Variants in R3HDM1 observed in about 807,000 individuals in gnomAD.
R3HDM1 encodes the protein R3H domain containing 1.
In R3HDM1, 46 loss-of-function variants were observed where a neutral mutation model predicts 141.1. The ratio of observed to expected loss-of-function variants is 0.33; its 90% CI spans 0.26 to 0.42. The LOEUF (loss-of-function observed/expected upper bound fraction) is 0.42, where lower values mean the gene tolerates loss of function less well. R3HDM1 is among the 10% of genes least tolerant of loss of function. The pLI, the probability that R3HDM1 is intolerant of heterozygous loss-of-function variation, is 1.00. For synonymous variants in R3HDM1, 435 were observed against 472.9 expected, an observed-to-expected ratio of 0.92 and a Z score of 1.04; for missense variants, 1,184 against 1,368.3, an observed-to-expected ratio of 0.87 and a Z score of 2.12.
chr2:135,711,287 C>G (rs1429301028), intron 23 of R3HDM1, among the ~76,000 whole-genome samples: 1 of 152,138 alleles, frequency 6.6e-6, no homozygotes, highest in African/African-American at 2.4e-5. Flanking sequence ...GAAATAGGAG[C>G]TTGGTCTGTT....
chr2:135,609,437 G>C (rs1280327253), intron 3 of R3HDM1, among the ~76,000 whole-genome samples: 1 of 152,160 alleles, frequency 6.6e-6, no homozygotes, highest in East Asian at 1.9e-4. Context: ...CTGAATTGTT[G>C]ATTATGGTCT....
intron 24 of R3HDM1, among the ~76,000 whole-genome samples, chr2:135,720,904 A>G (rs2076637797): frequency 6.6e-6 from 1 of 152,190 alleles, no homozygotes; most frequent in Non-Finnish European, 1.5e-5. Context: ...TAAGATTTTA[A>G]TCATAATAGA....
chr2:135,648,262 T>G (rs1479032455), intron 16 of R3HDM1, among the ~76,000 whole-genome samples: 2 of 152,196 alleles, frequency 1.3e-5, no homozygotes, highest in Admixed American at 1.3e-4. Flanking sequence ...TTATAGATTT[T>G]TTTGCTTTCT....
intron 21 of R3HDM1, among the ~76,000 whole-genome samples, chr2:135,701,030 A>G (rs2074124040): frequency 6.6e-6 from 1 of 152,138 alleles, no homozygotes; most frequent in Middle Eastern, 3.2e-3. Flanking sequence ...ATTAATAACT[A>G]ATGATAGAAC....
At position 135,572,370 on chromosome 2, in the gene R3HDM1, A is replaced by G. The variant is rs577720027; in HGVS notation, c.-249-30130A>G. Among the ~76,000 whole-genome samples, 19 of 152,350 alleles carry G rather than the reference A, an allele frequency of 1.2e-4. No individual in the cohort carries two copies. In the South Asian group the frequency reaches 3.7e-3, roughly 30 times the overall value. On this transcript the variant is annotated intron_variant, in intron 1 of 26. Transcript: ENST00000683871. ...AATTTAAAAGGGGCAAATGATCTGA[A>G]TAGATATTTTTCCAGAGAAGATACA...
chr2:135,702,771 C>T (rs1028054941), intron 21 of R3HDM1, among the ~76,000 whole-genome samples: 1 of 151,386 alleles, frequency 6.6e-6, no homozygotes, highest in Non-Finnish European at 1.5e-5. Context: ...GAGCCGAGAT[C>T]GCACTCCAGC....
intron 19 of R3HDM1, chr2:135,667,725 T>C: frequency 1.0e-6 from 1 of 981,896 alleles, no homozygotes; most frequent in Non-Finnish European, 1.2e-6. Flanking sequence ...AATCTACTTC[T>C]CCTTCCTAAT....
intron 1 of R3HDM1, among the ~76,000 whole-genome samples, chr2:135,594,986 C>T (rs914753101): frequency 1.3e-5 from 2 of 151,786 alleles, no homozygotes; most frequent in African/African-American, 4.8e-5. Flanking sequence ...CACCCCCCCC[C>T]CTTTTCAATG....
At chr2:135,616,535 T>G in intron 4 of R3HDM1, 133 bp from the exon 5 acceptor site, 1 of 725,036 alleles carries the variant, frequency 1.4e-6, no homozygotes, top group Non-Finnish European at 2.2e-6. Flanking sequence ...TAATGATATA[T>G]TTAACTTGCA....
At chr2:135,621,401 G>A (rs907141912) in intron 5 of R3HDM1, 93 bp from the exon 6 acceptor site, 1 of 728,736 alleles carries the variant, frequency 1.4e-6, no homozygotes, top group Non-Finnish European at 2.1e-6. Context: ...TTTTTCCTCT[G>A]TACAATTCTG....
intron 24 of R3HDM1, among the ~76,000 whole-genome samples, chr2:135,717,282 G>A (rs1461158435): frequency 2.0e-5 from 3 of 151,906 alleles, no homozygotes; most frequent in Admixed American, 6.6e-5. Flanking sequence ...TCAGGAGTTC[G>A]AGACCAACCT....
chr2:135,600,096 T>A (rs2059498745), intron 1 of R3HDM1, among the ~76,000 whole-genome samples: 1 of 149,934 alleles, frequency 6.7e-6, no homozygotes, highest in South Asian at 2.1e-4. Flanking sequence ...AATACAAAGT[T>A]CGTATGATTT....
At chr2:135,559,254 G>C (rs1349287147) in intron 1 of R3HDM1, 2 of 157,976 alleles carry the variant, frequency 1.3e-5, no homozygotes, top group African/African-American at 4.8e-5. Flanking sequence ...TGGGACTACA[G>C]GCACATGCCA....
At chr2:135,632,731 A>C (rs2062846772) in intron 9 of R3HDM1, among the ~76,000 whole-genome samples, 1 of 152,184 alleles carries the variant, frequency 6.6e-6, no homozygotes, top group Admixed American at 6.5e-5. Context: ...TTATATTTTG[A>C]TGGTGATTTG....
Position 135,638,914 on chromosome 2 carries a change from A to G in R3HDM1, c.1011A>G (p.Ser337=). The G allele has an allele frequency of 6.2e-7, 1 of 1,613,982 alleles. No individual in the cohort carries two copies. The highest frequency in any genetic ancestry group is 8.5e-7 in the Non-Finnish European group (1 of 1,179,986). Residue 337 remains serine, a synonymous_variant, in exon 14 of 27, where the codon TCA becomes TCG. Coordinates refer to ENST00000683871, the MANE Select transcript of R3HDM1 (RefSeq NM_001378107.1). ...RQIFRVNKDA[S]GRSTNSHQSS... ...ATTACAGAGTTAATAAAGATGCTTC[A>G]GGGAGATCTACAAATAGCCATCAAA...
chr2:135,575,010 A>G (rs1705061887), intron 1 of R3HDM1, among the ~76,000 whole-genome samples: 1 of 152,224 alleles, frequency 6.6e-6, no homozygotes, highest in African/African-American at 2.4e-5. Flanking sequence ...TGGGTAAAGA[A>G]GAAAGACTAT....
chr2:135,598,854 A>G lies in R3HDM1; in HGVS notation c.-249-3646A>G, dbSNP rs145404023. Among the ~76,000 whole-genome samples, 8 of 152,174 alleles carry G rather than the reference A, an allele frequency of 5.3e-5. No individual in the cohort carries two copies. The South Asian group carries it at 8.3e-4, about 16-fold the overall frequency. ...CCCATCCTTTTCTTTCCTTTGATTT[A>G]TAAGACCTTCTTTGCTTTCAACATT... On this transcript the variant is annotated intron_variant, in intron 1 of 26. Transcript: ENST00000683871.
At chr2:135,577,838 CAAAA>C (rs541600763) in intron 1 of R3HDM1, among the ~76,000 whole-genome samples, 1 of 62,868 alleles carries the variant, frequency 1.6e-5, no homozygotes. Flanking sequence ...AACTTCATCT[CAAAA>C]AAAAAAAAAA....
intron 1 of R3HDM1, among the ~76,000 whole-genome samples, chr2:135,567,971 C>T (rs558481298): frequency 1.9e-3 from 275 of 143,252 alleles, no homozygotes; most frequent in Middle Eastern, 0.015. Flanking sequence ...AGCCTGGTCT[C>T]GAACTCCTGG....
Sources: allele counts gnomAD v4.1 joint callset (sites outside exome capture counted in the v4.1 genomes callset), GRCh38; gene constraint gnomAD v4.1.1; transcripts MANE v1.5; gene names NCBI Gene and HGNC (gene_info 2026-07-23, HGNC 2026-07-21).